LOC128125817: variants seen among roughly 807,000 people sequenced by gnomAD.
chr1:41,608,345 A>G, the LOC128125817 span, among the ~76,000 whole-genome samples: 48 of 152,188 alleles, frequency 3.2e-4, no homozygotes, highest in Non-Finnish European at 5.7e-4. Context: ...GGAGCTGCCA[A>G]TCCTTCTTCT....
the LOC128125817 span, among the ~76,000 whole-genome samples, chr1:41,618,388 T>A: frequency 6.6e-6 from 1 of 152,180 alleles, no homozygotes; most frequent in East Asian, 1.9e-4. Context: ...AGGGCCTCAG[T>A]GTTTGCAAAA....
At chr1:41,591,961 G>A in the LOC128125817 span, among the ~76,000 whole-genome samples, 1 of 152,106 alleles carries the variant, frequency 6.6e-6, no homozygotes, top group Non-Finnish European at 1.5e-5. Context: ...GCTGTTTGAG[G>A]TCAATTCCTC....
the LOC128125817 span, among the ~76,000 whole-genome samples, chr1:41,587,770 T>C: frequency 1.3e-5 from 2 of 152,178 alleles, no homozygotes; most frequent in African/African-American, 4.8e-5. Flanking sequence ...GTGGCAGGAC[T>C]GGACCATCCT....
chr1:41,593,488 C>A, the LOC128125817 span, among the ~76,000 whole-genome samples: 14 of 152,124 alleles, frequency 9.2e-5, no homozygotes, highest in African/African-American at 3.1e-4. Flanking sequence ...CATAGAATAT[C>A]TTCTGCATAC....
the LOC128125817 span, among the ~76,000 whole-genome samples, chr1:41,605,213 G>C: frequency 6.6e-6 from 1 of 150,378 alleles, no homozygotes; most frequent in Non-Finnish European, 1.5e-5. Flanking sequence ...AGGAAAGGAA[G>C]GAAAGGAAGG....
At chr1:41,607,791 T>A in the LOC128125817 span, among the ~76,000 whole-genome samples, 1 of 152,344 alleles carries the variant, frequency 6.6e-6, no homozygotes, top group East Asian at 1.9e-4. Context: ...ACAGTTTATT[T>A]CTGTCTTATG....
the LOC128125817 span, among the ~76,000 whole-genome samples, chr1:41,603,098 G>A: frequency 3.0e-3 from 458 of 151,238 alleles, 2 homozygotes; most frequent in Non-Finnish European, 4.9e-3. Context: ...ACTGAGTCTC[G>A]CCCTGTCACC....
At chr1:41,586,862 TAGA>T in the LOC128125817 span, among the ~76,000 whole-genome samples, 3 of 151,984 alleles carry the variant, frequency 2.0e-5, no homozygotes, top group Non-Finnish European at 4.4e-5. Flanking sequence ...ACCATATTTA[TAGA>T]AGAATGACAA....
the LOC128125817 span, among the ~76,000 whole-genome samples, chr1:41,622,182 G>A: frequency 2.0e-5 from 3 of 152,212 alleles, no homozygotes; most frequent in Admixed American, 1.3e-4. Context: ...CCGAATCCCT[G>A]CCTAGAGGGG....
At chr1:41,595,404 A>T in the LOC128125817 span, among the ~76,000 whole-genome samples, 1 of 152,032 alleles carries the variant, frequency 6.6e-6, no homozygotes, top group Non-Finnish European at 1.5e-5. Flanking sequence ...CTCTCTCTCC[A>T]TCCTGCTCTT....
At chr1:41,585,434 C>T in the LOC128125817 span, 11 of 397,982 alleles carry the variant, frequency 2.8e-5, no homozygotes, top group African/African-American at 2.3e-4. Flanking sequence ...CTGGCTGAGA[C>T]CCCTCAAAAG....
At chr1:41,606,585 C>T in the LOC128125817 span, among the ~76,000 whole-genome samples, 829 of 151,760 alleles carry the variant, frequency 5.5e-3, 28 homozygotes, top group African/African-American at 0.019. Flanking sequence ...AAATGGATAG[C>T]TTCCTTCACT....
the LOC128125817 span, among the ~76,000 whole-genome samples, chr1:41,621,191 G>T: frequency 6.6e-6 from 1 of 152,222 alleles, no homozygotes; most frequent in Non-Finnish European, 1.5e-5. Flanking sequence ...TAGCCATGGT[G>T]CAGCCTCTTC....
the LOC128125817 span, among the ~76,000 whole-genome samples, chr1:41,607,800 T>G: frequency 7.9e-5 from 12 of 152,368 alleles, no homozygotes; most frequent in East Asian, 1.5e-3. Flanking sequence ...TTCTGTCTTA[T>G]GTGCAATCTG....
the LOC128125817 span, among the ~76,000 whole-genome samples, chr1:41,609,904 TAGACA>T: frequency 6.6e-6 from 1 of 152,272 alleles, no homozygotes; most frequent in African/African-American, 2.4e-5. Context: ...AGGCATTTTT[TAGACA>T]AGATTAACAT....
chr1:41,596,130 G>T, the LOC128125817 span, among the ~76,000 whole-genome samples: 1 of 152,066 alleles, frequency 6.6e-6, no homozygotes, highest in Non-Finnish European at 1.5e-5. Flanking sequence ...GTTTCCACAC[G>T]TCCCCTCCTA....
At chr1:41,605,188 A>AAGGGG in the LOC128125817 span, among the ~76,000 whole-genome samples, 1 of 136,910 alleles carries the variant, frequency 7.3e-6, no homozygotes. Flanking sequence ...GAGGGGAGGG[A>AAGGGG]AGGGAAGGGA....
the LOC128125817 span, among the ~76,000 whole-genome samples, chr1:41,591,050 T>C: frequency 6.6e-6 from 1 of 152,212 alleles, no homozygotes; most frequent in African/African-American, 2.4e-5. Flanking sequence ...GCACCTGACA[T>C]ATAGTAAGCA....
At chr1:41,585,628 G>A in the LOC128125817 span, among the ~76,000 whole-genome samples, 1 of 152,212 alleles carries the variant, frequency 6.6e-6, no homozygotes, top group Non-Finnish European at 1.5e-5. Context: ...CTGCAGGGTG[G>A]TTAGGGACAG....
Sources: allele counts gnomAD v4.1 joint callset (sites outside exome capture counted in the v4.1 genomes callset), GRCh38; gene constraint gnomAD v4.1.1; transcripts MANE v1.5.